KHDRBS2: variants seen among roughly 807,000 people sequenced by gnomAD.
The protein encoded by KHDRBS2 is KH domain-containing, RNA-binding, signal transduction-associated protein 2.
Under a neutral mutation model 44.3 loss-of-function variants are expected in KHDRBS2, and 26 were observed. The ratio of observed to expected loss-of-function variants is 0.59; its 90% CI spans 0.43 to 0.81. The LOEUF is 0.81. Among genes scored for constraint, KHDRBS2 ranks in the 40% least tolerant of loss-of-function variants. The pLI, the probability that KHDRBS2 is intolerant of heterozygous loss-of-function variation, is 0.00. For missense variants in KHDRBS2, 476 were observed against 433.1 expected, an observed-to-expected ratio of 1.10 and a Z score of -0.88; for synonymous variants, 194 against 151.1, an observed-to-expected ratio of 1.28 and a Z score of -2.08.
At chr6:61,880,293 CA>C (rs1231470612) in intron 6 of KHDRBS2, among the ~76,000 whole-genome samples, 1 of 151,710 alleles carries the variant, frequency 6.6e-6, no homozygotes, top group African/African-American at 2.4e-5. Flanking sequence ...GAAAAAAATA[CA>C]AAATATAGCT....
Position 62,135,723 on chromosome 6 carries a change from G to C in KHDRBS2, c.219+41462C>G, listed in dbSNP as rs376522586. Among the ~76,000 whole-genome samples the C allele has an allele frequency of 5.9e-5, 9 of 152,016 alleles. No individual in the cohort carries two copies. The East Asian group carries it at 1.7e-3, about 29-fold the overall frequency. Reference sequence around the variant, plus strand: ...AATATACACACACACACATACAATGGAACATTATACAGCCTTAAAAAGGAA... The same window carrying C: ...AATATACACACACACACATACAATGCAACATTATACAGCCTTAAAAAGGAA... On this transcript the variant is annotated intron_variant, in intron 2 of 8. Transcript: ENST00000281156.
intron 7 of KHDRBS2, among the ~76,000 whole-genome samples, chr6:61,722,773 G>C (rs1367047861): frequency 6.6e-6 from 1 of 151,184 alleles, no homozygotes; most frequent in South Asian, 2.1e-4. Flanking sequence ...ACAGTGGCGC[G>C]ATCTTGGCTC....
chr6:61,955,340 GTATGTA>G (rs1439816755), intron 4 of KHDRBS2, among the ~76,000 whole-genome samples: 2 of 140,934 alleles, frequency 1.4e-5, no homozygotes, highest in African/African-American at 5.3e-5. Flanking sequence ...ATACACATAT[GTATGTA>G]TACATATATA....
intron 1 of KHDRBS2, among the ~76,000 whole-genome samples, chr6:62,246,102 T>TTTTATATATATATATATA (rs1434888553): frequency 8.0e-6 from 1 of 124,338 alleles, no homozygotes; most frequent in African/African-American, 2.9e-5. Flanking sequence ...TCAATCAATT[T>TTTTATATATATATATATA]TATATATATA....
At chr6:61,916,965 A>ATTTTTTTTTTTT (rs10700035) in intron 4 of KHDRBS2, among the ~76,000 whole-genome samples, 37 of 90,628 alleles carry the variant, frequency 4.1e-4, no homozygotes, top group African/African-American at 8.1e-4. Context: ...GGAACTCTGT[A>ATTTTTTTTTTTT]TTTTTTTTTT....
At chr6:61,950,745 C>T (rs540004610) in intron 4 of KHDRBS2, among the ~76,000 whole-genome samples, 1 of 152,098 alleles carries the variant, frequency 6.6e-6, no homozygotes, top group African/African-American at 2.4e-5. Flanking sequence ...AGGCTGAATG[C>T]CAAGTCAGAG....
At chr6:61,746,658 G>T (rs1343515991) in intron 6 of KHDRBS2, among the ~76,000 whole-genome samples, 1 of 151,986 alleles carries the variant, frequency 6.6e-6, no homozygotes, top group Non-Finnish European at 1.5e-5. Context: ...ATTCCTTTGG[G>T]TATATACCCA....
the KHDRBS2 span, among the ~76,000 whole-genome samples, chr6:61,671,733 T>C: frequency 6.6e-6 from 1 of 151,766 alleles, no homozygotes; most frequent in African/African-American, 2.4e-5. Flanking sequence ...AAATGCCTTT[T>C]AAAAATATTT....
the KHDRBS2 span, among the ~76,000 whole-genome samples, chr6:61,563,930 A>G: frequency 2.0e-5 from 3 of 152,114 alleles, no homozygotes; most frequent in South Asian, 2.1e-4. Context: ...ACATGCAGCA[A>G]TAGAGGAATG....
chr6:62,265,076 T>C (rs1295035517), intron 1 of KHDRBS2, among the ~76,000 whole-genome samples: 1 of 151,946 alleles, frequency 6.6e-6, no homozygotes, highest in Non-Finnish European at 1.5e-5. Flanking sequence ...AGAGAATGAT[T>C]AAGTGAGCTT....
At chr6:62,271,374 T>G (rs1840062776) in intron 1 of KHDRBS2, among the ~76,000 whole-genome samples, 1 of 152,202 alleles carries the variant, frequency 6.6e-6, no homozygotes, top group South Asian at 2.1e-4. Flanking sequence ...GCCAGTAGTA[T>G]AAAAGTATAG....
chr6:62,079,374 T>A (rs1796963054), intron 2 of KHDRBS2, among the ~76,000 whole-genome samples: 1 of 152,054 alleles, frequency 6.6e-6, no homozygotes, highest in African/African-American at 2.4e-5. Flanking sequence ...TGTAGGCAGC[T>A]ACTATGTATG....
chr6:62,096,886 T>A (rs566259032), intron 2 of KHDRBS2, among the ~76,000 whole-genome samples: 1 of 151,920 alleles, frequency 6.6e-6, no homozygotes, highest in Non-Finnish European at 1.5e-5. Context: ...AACACCTAAG[T>A]GAATGCTATA....
At chr6:61,849,683 T>C (rs1795164563) in intron 6 of KHDRBS2, among the ~76,000 whole-genome samples, 2 of 151,964 alleles carry the variant, frequency 1.3e-5, no homozygotes, top group African/African-American at 2.4e-5. Flanking sequence ...CAGAAGGAGC[T>C]TTCCATGAGA....
the KHDRBS2 span, among the ~76,000 whole-genome samples, chr6:61,613,042 C>T: frequency 2.0e-5 from 3 of 151,972 alleles, no homozygotes; most frequent in South Asian, 2.1e-4. Context: ...TTAGTAGAGA[C>T]GGGGTTTCAC....
intron 2 of KHDRBS2, among the ~76,000 whole-genome samples, chr6:62,133,567 A>T (rs1257314026): frequency 6.6e-6 from 1 of 152,226 alleles, no homozygotes; most frequent in Non-Finnish European, 1.5e-5. Context: ...AGAGTGGGGC[A>T]CTGCCATAAA....
At chr6:61,545,883 G>T in the KHDRBS2 span, among the ~76,000 whole-genome samples, 1 of 152,202 alleles carries the variant, frequency 6.6e-6, no homozygotes, top group East Asian at 1.9e-4. Flanking sequence ...GGTAAGCACA[G>T]AGAAGGCAGC....
At chr6:61,952,188 T>C (rs1477308622) in intron 4 of KHDRBS2, among the ~76,000 whole-genome samples, 2 of 152,086 alleles carry the variant, frequency 1.3e-5, no homozygotes, top group African/African-American at 2.4e-5. Flanking sequence ...CAAGAAATTA[T>C]ATAAAACTAA....
Position 61,822,291 on chromosome 6 carries a change from C to T in KHDRBS2, c.810+72344G>A, listed in dbSNP as rs534992696. The stretch of plus-strand genomic sequence containing the variant: ...TGTAGCCTATCCCAGCAAATTATGT[C>T]GACATTTACCCAGTTTTCCAAGTCA... On this transcript the variant is annotated intron_variant, in intron 6 of 8. Transcript: ENST00000281156. 2.2e-4 allele frequency among the ~76,000 whole-genome samples: 33 copies of T among 152,010 alleles called. No individual in the cohort carries two copies. In the South Asian group the frequency reaches 4.1e-3, roughly 19 times the overall value.
Sources: gnomAD v4.1 joint callset for allele counts (sites outside exome capture counted in the v4.1 genomes callset) on GRCh38, gnomAD v4.1.1 for gene constraint, MANE v1.5 for transcripts, NCBI Gene and HGNC (gene_info 2026-07-23, HGNC 2026-07-21) for gene names.